IQSEC3: variants seen among roughly 807,000 people sequenced by gnomAD.
IQSEC3 encodes the protein IQ motif and Sec7 domain ArfGEF 3, also known as IQ motif and SEC7 domain-containing protein 3.
A neutral mutation model predicts 105.4 loss-of-function variants in IQSEC3; 50 were observed. The observed-to-expected ratio is 0.47, with a 90% CI of 0.38 to 0.60. The LOEUF (loss-of-function observed/expected upper bound fraction) is 0.60. IQSEC3 is among the 20% of genes least tolerant of loss of function. IQSEC3 has a pLI of 0.00. For missense variants in IQSEC3, 1,415 were observed against 1,630.0 expected, an observed-to-expected ratio of 0.87 and a Z score of 2.27; for synonymous variants, 708 against 746.0, an observed-to-expected ratio of 0.95 and a Z score of 0.83.
chr12:99,095 G>C, intron 1 of IQSEC3, 51 bp from the exon 2 acceptor site: 1 of 1,521,596 alleles, frequency 6.6e-7, no homozygotes, highest in South Asian at 1.2e-5. Flanking sequence ...CAGGCAGGGC[G>C]GGGACCCAGC....
Position 157,096 on chromosome 12 carries a change from TC to T in IQSEC3, c.2227del (p.Arg743ValfsTer62). On this transcript the variant is annotated frameshift_variant, in exon 6 of 14. Transcript: ENST00000538872. LOFTEE classifies it high-confidence loss of function. ...DEALRKFQAH[I>X]RVQGEAQKVE... ...GCCCTGCGCAAGTTCCAGGCACACATCCGTGTGCAGGGGGAGGCTCAGAAGG... is the reference window on the plus strand; with the variant it reads ...GCCCTGCGCAAGTTCCAGGCACACATCGTGTGCAGGGGGAGGCTCAGAAGG... The T allele has an allele frequency of 2.5e-6, 4 of 1,603,884 alleles. No homozygotes were observed. The highest frequency in any genetic ancestry group is 3.4e-6 in the Non-Finnish European group (4 of 1,175,118).
In IQSEC3 at chr12:138,156, G is replaced by A. The variant is rs1442032518; in HGVS notation, c.904-111G>A. 4 of 836,590 alleles carry A rather than the reference G, an allele frequency of 4.8e-6. No homozygotes were observed. The highest frequency in any genetic ancestry group is 3.5e-5 in the African/African-American group (2 of 57,562). 51.8% of individuals were successfully genotyped at this position (836,590 alleles called of 1,614,324 possible). A position where few individuals can be genotyped will look rare whatever the true frequency, so the allele number is the denominator to read the frequency against. ...TGCCCAGGAGCGCCCCCCCGCCCCC[G>A]TCCATTCCTGGGCCCCACCCGAGTG... On this transcript the variant is annotated intron_variant, in intron 3 of 13. Transcript: ENST00000538872. This position sits in a 1 kb window ranked among gnomAD's most constrained non-coding sequence, Gnocchi z 7.1.
intron 13 of IQSEC3, among the ~76,000 whole-genome samples, chr12:171,661 G>A (rs1480847738): frequency 2.0e-5 from 3 of 152,196 alleles, no homozygotes; most frequent in African/African-American, 7.2e-5. Context: ...TGGACACCTG[G>A]GGCTAGGTTG....
intron 7 of IQSEC3, among the ~76,000 whole-genome samples, chr12:161,517 G>A (rs1555096204): frequency 6.6e-6 from 1 of 152,134 alleles, no homozygotes; most frequent in African/African-American, 2.4e-5. Flanking sequence ...AAAAGAGAAC[G>A]AAACAGAAGC....
At chr12:80,813 G>C (rs1426123118) in intron 1 of IQSEC3, among the ~76,000 whole-genome samples, 4 of 152,224 alleles carry the variant, frequency 2.6e-5, no homozygotes, top group Admixed American at 6.5e-5. Context: ...TGGGGAGACA[G>C]CACCTGAGCA....
rs782736391 is a variant in IQSEC3 at position 67,323 on chromosome 12, C to G, written c.441C>G (p.Ala147=). Residue 147 remains alanine, a synonymous_variant, in exon 1 of 14, where the codon GCC becomes GCG. Coordinates refer to ENST00000538872, the MANE Select transcript of IQSEC3 (RefSeq NM_001170738.2). ...ACAAGCATCTGGGGACACAAGGGGCCGTGACTGACAAGGAGAAGGAGCGTC... is the reference window on the plus strand; with the variant it reads ...ACAAGCATCTGGGGACACAAGGGGCGGTGACTGACAAGGAGAAGGAGCGTC... ...SPHKHLGTQG[A]VTDKEKERPP... is the part of the protein sequence containing the mutation. 1.3e-6 allele frequency: 2 copies of G among 1,598,410 alleles called. No homozygotes were observed. Among genetic ancestry groups the G allele is most frequent in the Admixed American group, 1.7e-5 (1 of 59,968 alleles).
At chr12:71,281 G>GA (rs1294539303) in intron 1 of IQSEC3, among the ~76,000 whole-genome samples, 1 of 152,282 alleles carries the variant, frequency 6.6e-6, no homozygotes, top group Admixed American at 6.5e-5. Flanking sequence ...TATTAAGAAA[G>GA]AAAGTGTGAA....
Position 174,757 on chromosome 12 carries a change from G to A in IQSEC3, c.3273G>A (p.Val1091=), listed in dbSNP as rs1379728610. 1.9e-6 allele frequency: 3 copies of A among 1,591,124 alleles called. No homozygotes were observed. Among genetic ancestry groups the A allele is most frequent in the Non-Finnish European group, 2.5e-6 (3 of 1,177,226 alleles). Residue 1091 remains valine, a synonymous_variant, in exon 14 of 14, where the codon GTG becomes GTA. Transcript: ENST00000538872. ...CACCCACGCCCCCGGGCACCCTGGT[G>A]CAGTGCCAGCAAATTGTCAAGGTCA... is the stretch of plus-strand genomic sequence containing the variant. The part of the protein sequence containing the change: ...PPPPTPPGTL[V]QCQQIVKVIV...
At chr12:90,844 G>T (rs534728452) in intron 1 of IQSEC3, among the ~76,000 whole-genome samples, 1 of 152,072 alleles carries the variant, frequency 6.6e-6, no homozygotes, top group Non-Finnish European at 1.5e-5. Flanking sequence ...AAAAAATAAG[G>T]GTTTCTTTTC....
At chr12:83,898 T>G (rs1156639544) in intron 1 of IQSEC3, among the ~76,000 whole-genome samples, 4 of 152,202 alleles carry the variant, frequency 2.6e-5, no homozygotes, top group Non-Finnish European at 5.9e-5. Context: ...TGCTCGACAT[T>G]GCTGTGCATT....
rs1253097082 is a variant in IQSEC3 at position 152,035 on chromosome 12, C to T, written c.2154-4990C>T. On this transcript the variant is annotated intron_variant, in intron 5 of 13. Coordinates refer to ENST00000538872, the MANE Select transcript of IQSEC3 (RefSeq NM_001170738.2). The surrounding 1 kb of genome is among the most constrained non-coding windows in gnomAD (Gnocchi z 4.8). ...AAAGAATTATTTTTGACTCTGTGTTCAATGCCTGTCTCTCCCACCAAGACA... is the reference window on the plus strand; with the variant it reads ...AAAGAATTATTTTTGACTCTGTGTTTAATGCCTGTCTCTCCCACCAAGACA... Among the ~76,000 whole-genome samples the T allele has an allele frequency of 1.3e-5, 2 of 152,158 alleles. No individual in the cohort carries two copies. The highest frequency in any genetic ancestry group is 2.4e-5 in the African/African-American group (1 of 41,428).
intron 3 of IQSEC3, among the ~76,000 whole-genome samples, chr12:127,854 T>C (rs1865467841): frequency 1.3e-5 from 2 of 152,210 alleles, no homozygotes; most frequent in South Asian, 4.1e-4. Context: ...GGTAGTTTCT[T>C]TTGCTGTGCA....
rs1416493269 is a variant in IQSEC3, at chr12:152,012, A to G, written c.2154-5013A>G. Among the ~76,000 whole-genome samples, 1 of 152,086 alleles carries G rather than the reference A, an allele frequency of 6.6e-6. No homozygotes were observed. Among genetic ancestry groups the G allele is most frequent in the Non-Finnish European group, 1.5e-5 (1 of 68,014 alleles). On this transcript the variant is annotated intron_variant, in intron 5 of 13. Coordinates refer to ENST00000538872, the MANE Select transcript of IQSEC3 (RefSeq NM_001170738.2). This position sits in a 1 kb window ranked among gnomAD's most constrained non-coding sequence, Gnocchi z 4.8. ...TAGAACTCATCATGACTATAGGTAAAGAATTATTTTTGACTCTGTGTTCAA... is the reference window on the plus strand; with the variant it reads ...TAGAACTCATCATGACTATAGGTAAGGAATTATTTTTGACTCTGTGTTCAA...
intron 2 of IQSEC3, among the ~76,000 whole-genome samples, chr12:116,566 G>C (rs560876185): frequency 2.0e-5 from 3 of 152,236 alleles, no homozygotes; most frequent in Admixed American, 1.3e-4. Flanking sequence ...TTTTCTAAAA[G>C]TCTTCCTTGC....
intron 13 of IQSEC3, among the ~76,000 whole-genome samples, chr12:173,496 T>C (rs549135816): frequency 1.6e-3 from 248 of 152,312 alleles, no homozygotes; most frequent in African/African-American, 5.6e-3. Context: ...GGGATAGTTC[T>C]GGGCTGGGCC....
chr12:140,023 T>C (rs994011713), intron 4 of IQSEC3, among the ~76,000 whole-genome samples: 1 of 152,098 alleles, frequency 6.6e-6, no homozygotes, highest in Non-Finnish European at 1.5e-5. Context: ...CATGGAAATG[T>C]CAGGTCCAGG....
intron 1 of IQSEC3, among the ~76,000 whole-genome samples, chr12:76,463 C>T (rs1167129553): frequency 6.6e-6 from 1 of 152,272 alleles, no homozygotes; most frequent in African/African-American, 2.4e-5. Context: ...GCATAGGCTT[C>T]ACAGCAAAGA....
intron 1 of IQSEC3, among the ~76,000 whole-genome samples, chr12:78,583 A>G (rs1863639552): frequency 6.6e-6 from 1 of 152,058 alleles, no homozygotes; most frequent in African/African-American, 2.4e-5. Context: ...ATCGCATCAC[A>G]GTCTTAGAAT....
At chr12:105,984 A>G (rs924137455) in intron 2 of IQSEC3, among the ~76,000 whole-genome samples, 2 of 152,236 alleles carry the variant, frequency 1.3e-5, no homozygotes, top group African/African-American at 2.4e-5. Flanking sequence ...TGTCAGCAGC[A>G]TGTTTAGAGA....
Sources: allele counts gnomAD v4.1 joint callset (sites outside exome capture counted in the v4.1 genomes callset), GRCh38; gene constraint gnomAD v4.1.1; non-coding constraint Gnocchi (gnomAD v3.1); transcripts MANE v1.5; gene names NCBI Gene and HGNC (gene_info 2026-07-23, HGNC 2026-07-21).